Variants in ANKS1B observed in about 807,000 individuals in gnomAD.
The protein encoded by ANKS1B is ankyrin repeat and sterile alpha motif domain containing 1B.
Under a neutral mutation model 148.3 loss-of-function variants are expected in ANKS1B, and 36 were observed. The observed-to-expected ratio is 0.24, with a 90% CI of 0.19 to 0.32. The LOEUF (loss-of-function observed/expected upper bound fraction) is 0.32, where lower values mean the gene tolerates loss of function less well. Among genes scored for constraint, ANKS1B ranks in the 10% least tolerant of loss-of-function variants. ANKS1B has a pLI of 1.00. For missense variants in ANKS1B, 1,157 were observed against 1,542.6 expected (o/e 0.75, Z 4.19); for synonymous variants, 542 against 560.8 (o/e 0.97, Z 0.47).
intron 17 of ANKS1B, among the ~76,000 whole-genome samples, chr12:98,904,799 T>C (rs1429146277): frequency 2.6e-5 from 4 of 152,186 alleles, no homozygotes; most frequent in Non-Finnish European, 5.9e-5. Flanking sequence ...AAACATTTTA[T>C]GTATACCTAC....
intron 22 of ANKS1B, among the ~76,000 whole-genome samples, chr12:98,788,659 C>T (rs958545800): frequency 2.6e-5 from 4 of 152,220 alleles, no homozygotes; most frequent in African/African-American, 9.6e-5. Flanking sequence ...AAGTCTGGCA[C>T]AGCACAAAGC....
chr12:99,613,700 CA>C (rs781719750), intron 9 of ANKS1B, among the ~76,000 whole-genome samples: 18 of 151,860 alleles, frequency 1.2e-4, no homozygotes, highest in South Asian at 4.2e-4. Flanking sequence ...TGGGGCTTAT[CA>C]GGGGGTAGAG....
intron 10 of ANKS1B, among the ~76,000 whole-genome samples, chr12:99,502,348 A>AC (rs769011995): frequency 2.0e-5 from 3 of 152,048 alleles, no homozygotes; most frequent in African/African-American, 7.2e-5. Context: ...ATTCTCCATG[A>AC]CCGCTGTGGG....
At chr12:99,957,076 T>C (rs1005701731) in intron 1 of ANKS1B, among the ~76,000 whole-genome samples, 1 of 152,202 alleles carries the variant, frequency 6.6e-6, no homozygotes, top group African/African-American at 2.4e-5. Flanking sequence ...TAGGCTGAAG[T>C]ACGTGAGACT....
chr12:98,752,967 C>A (rs879325266), intron 25 of ANKS1B, among the ~76,000 whole-genome samples: 2 of 152,028 alleles, frequency 1.3e-5, no homozygotes, highest in Non-Finnish European at 2.9e-5. Flanking sequence ...GCTGGTGTGG[C>A]GGCTCACAGT....
At chr12:99,839,054 A>G (rs1169514411) in intron 1 of ANKS1B, among the ~76,000 whole-genome samples, 1 of 152,062 alleles carries the variant, frequency 6.6e-6, no homozygotes, top group Non-Finnish European at 1.5e-5. Flanking sequence ...AACTGTTTTT[A>G]TCATGGGTTT....
chr12:99,270,665 C>T (rs372378767), intron 12 of ANKS1B, among the ~76,000 whole-genome samples: 2 of 152,114 alleles, frequency 1.3e-5, no homozygotes, highest in Non-Finnish European at 2.9e-5. Flanking sequence ...TCCTTAATAT[C>T]AGCCTCATCT....
chr12:99,324,787 CCAT>C (rs1416317743), intron 12 of ANKS1B, among the ~76,000 whole-genome samples: 2 of 152,054 alleles, frequency 1.3e-5, no homozygotes, highest in Non-Finnish European at 2.9e-5. Context: ...AATTTACTAA[CCAT>C]CATTTTTTTT....
intron 1 of ANKS1B, among the ~76,000 whole-genome samples, chr12:99,983,712 C>T (rs970426061): frequency 1.3e-5 from 2 of 152,146 alleles, no homozygotes; most frequent in Middle Eastern, 3.2e-3. Flanking sequence ...ATTGCATGCA[C>T]GCAAGAGATT....
intron 14 of ANKS1B, among the ~76,000 whole-genome samples, chr12:99,223,520 G>C: frequency 6.6e-6 from 1 of 151,912 alleles, no homozygotes; most frequent in East Asian, 1.9e-4. Context: ...ATTCTCATAA[G>C]GAGCACACAG....
At chr12:99,328,458 A>C (rs975216976) in intron 12 of ANKS1B, among the ~76,000 whole-genome samples, 11 of 152,134 alleles carry the variant, frequency 7.2e-5, no homozygotes, top group African/African-American at 2.4e-4. Context: ...ACACAGGACC[A>C]GGAACAGTGC....
chr12:98,869,518 T>G (rs2152349938), intron 17 of ANKS1B, among the ~76,000 whole-genome samples: 1 of 152,284 alleles, frequency 6.6e-6, no homozygotes, highest in African/African-American at 2.4e-5. Context: ...CAGCACTTAA[T>G]TCCTTTTTCT....
intron 12 of ANKS1B, among the ~76,000 whole-genome samples, chr12:99,289,099 A>T (rs1347404429): frequency 1.3e-5 from 2 of 152,212 alleles, no homozygotes; most frequent in African/African-American, 4.8e-5. Flanking sequence ...ATGAAAGCCA[A>T]AAAAAGGGCA....
intron 12 of ANKS1B, among the ~76,000 whole-genome samples, chr12:99,329,622 T>C (rs191532603): frequency 2.0e-5 from 3 of 151,974 alleles, no homozygotes; most frequent in Admixed American, 2.0e-4. Flanking sequence ...TATTAAAGAA[T>C]AAAAAGATAT....
chr12:99,657,102 T>C (rs181529598), intron 8 of ANKS1B, among the ~76,000 whole-genome samples: 6 of 152,294 alleles, frequency 3.9e-5, no homozygotes, highest in Admixed American at 6.5e-5. Context: ...ACTGAGAACT[T>C]ACTATGTGAC....
At chr12:99,758,587 C>A (rs2061786142) in intron 8 of ANKS1B, among the ~76,000 whole-genome samples, 3 of 151,568 alleles carry the variant, frequency 2.0e-5, no homozygotes, top group Non-Finnish European at 4.4e-5. Context: ...GGAAATAATA[C>A]CTGCAAGATA....
intron 9 of ANKS1B, among the ~76,000 whole-genome samples, chr12:99,538,645 T>C (rs991728413): frequency 2.0e-5 from 3 of 152,208 alleles, no homozygotes; most frequent in Non-Finnish European, 4.4e-5. Context: ...AGTTTTCTTG[T>C]GGAGCCTTTA....
intron 14 of ANKS1B, among the ~76,000 whole-genome samples, chr12:99,172,354 T>C (rs2077866915): frequency 6.6e-6 from 1 of 152,010 alleles, no homozygotes; most frequent in African/African-American, 2.4e-5. Flanking sequence ...CCCTGGAGGA[T>C]GTGGGAGATA....
chr12:99,508,726 T>G (rs1049159609), intron 9 of ANKS1B, among the ~76,000 whole-genome samples: 1 of 151,836 alleles, frequency 6.6e-6, no homozygotes, highest in African/African-American at 2.4e-5. Context: ...GTTTACATAT[T>G]CAACTATTTT....
Sources: gnomAD v4.1 joint callset for allele counts (sites outside exome capture counted in the v4.1 genomes callset) on GRCh38, gnomAD v4.1.1 for gene constraint, MANE v1.5 for transcripts, NCBI Gene and HGNC (gene_info 2026-07-23, HGNC 2026-07-21) for gene names.